VPS13B: variants seen among roughly 807,000 people sequenced by gnomAD.
VPS13B encodes intermembrane lipid transfer protein VPS13B.
A neutral mutation model predicts 426.4 loss-of-function variants in VPS13B; 285 were observed. The ratio of observed to expected loss-of-function variants is 0.67; its 90% CI spans 0.61 to 0.74. VPS13B has a LOEUF of 0.74. VPS13B is among the 30% of genes least tolerant of loss of function. VPS13B has a pLI of 0.00. For synonymous variants in VPS13B, 1,676 were observed against 1,676.4 expected, an observed-to-expected ratio of 1.00 and a Z score of 0.01; for missense variants, 4,537 against 4,782.6, an observed-to-expected ratio of 0.95 and a Z score of 1.51.
At chr8:99,645,394 T>G (rs1829541310) in intron 34 of VPS13B, among the ~76,000 whole-genome samples, 1 of 152,176 alleles carries the variant, frequency 6.6e-6, no homozygotes, top group Admixed American at 6.5e-5. Flanking sequence ...GCTGTCAATA[T>G]CATATAGTGA....
intron 34 of VPS13B, among the ~76,000 whole-genome samples, chr8:99,648,422 A>G (rs1419656602): frequency 6.6e-6 from 1 of 152,226 alleles, no homozygotes; most frequent in Non-Finnish European, 1.5e-5. Context: ...AACTGTTTAG[A>G]TACATCTTTA....
chr8:99,103,204 G>C, intron 5 of VPS13B, 84 bp downstream of exon 5: 1 of 1,489,034 alleles, frequency 6.7e-7, no homozygotes, highest in Non-Finnish European at 9.4e-7. Flanking sequence ...GGCCAACTGA[G>C]TTGCTGGTAA....
chr8:99,748,655 TG>T (rs1348752165), intron 39 of VPS13B, among the ~76,000 whole-genome samples: 1 of 152,086 alleles, frequency 6.6e-6, no homozygotes, highest in Non-Finnish European at 1.5e-5. Context: ...TTCCTTGTAA[TG>T]GTATATGTCA....
intron 33 of VPS13B, 39 bp from the exon 34 acceptor site, chr8:99,641,772 G>A: frequency 1.9e-6 from 3 of 1,568,236 alleles, no homozygotes; most frequent in Non-Finnish European, 1.7e-6. Flanking sequence ...CACTTGGCAT[G>A]TAACTAGTTT....
chr8:99,336,978 A>G (rs1421970796), intron 19 of VPS13B, among the ~76,000 whole-genome samples: 1 of 152,090 alleles, frequency 6.6e-6, no homozygotes, highest in Admixed American at 6.6e-5. Context: ...ATCTAGAACT[A>G]GAAATACCAT....
intron 25 of VPS13B, among the ~76,000 whole-genome samples, chr8:99,493,197 C>T (rs2133586358): frequency 6.6e-6 from 1 of 152,154 alleles, no homozygotes; most frequent in South Asian, 2.1e-4. Context: ...TGATACTGAC[C>T]ATTTTTACCA....
At chr8:99,015,173 T>G (rs2132130761) in intron 2 of VPS13B, among the ~76,000 whole-genome samples, 1 of 152,022 alleles carries the variant, frequency 6.6e-6, no homozygotes, top group South Asian at 2.1e-4. Flanking sequence ...TTTCATTTTA[T>G]TTTATTTTTT....
intron 17 of VPS13B, among the ~76,000 whole-genome samples, chr8:99,196,472 T>C (rs1813936164): frequency 6.6e-6 from 1 of 150,584 alleles, no homozygotes; most frequent in South Asian, 2.1e-4. Flanking sequence ...TAGGGGTTTT[T>C]TTTTTTTTTT....
intron 23 of VPS13B, among the ~76,000 whole-genome samples, chr8:99,453,086 G>T (rs1368227198): frequency 1.3e-5 from 2 of 152,202 alleles, no homozygotes; most frequent in Non-Finnish European, 2.9e-5. Flanking sequence ...CTTTGCTGTT[G>T]TTGGATTTAG....
At chr8:99,072,850 A>C (rs1309449769) in intron 3 of VPS13B, among the ~76,000 whole-genome samples, 1 of 152,094 alleles carries the variant, frequency 6.6e-6, no homozygotes, top group African/African-American at 2.4e-5. Context: ...TTATTTTAGA[A>C]GATGTCCTTT....
chr8:99,511,855 A>C (rs953124364), intron 29 of VPS13B, among the ~76,000 whole-genome samples: 1 of 152,180 alleles, frequency 6.6e-6, no homozygotes. Flanking sequence ...TTTAAAAACA[A>C]GGTCAAGCAC....
chr8:99,532,330 G>A (rs996638022), intron 30 of VPS13B, among the ~76,000 whole-genome samples: 1 of 152,064 alleles, frequency 6.6e-6, no homozygotes, highest in Non-Finnish European at 1.5e-5. Context: ...TTTCTCCATA[G>A]ATAATTTCAT....
intron 43 of VPS13B, among the ~76,000 whole-genome samples, chr8:99,797,691 A>T (rs905469704): frequency 2.6e-5 from 4 of 152,146 alleles, no homozygotes; most frequent in Non-Finnish European, 5.9e-5. Flanking sequence ...AAATAGGAAC[A>T]TGCTACAGGA....
intron 21 of VPS13B, among the ~76,000 whole-genome samples, chr8:99,392,748 G>A (rs1250048892): frequency 6.6e-6 from 1 of 151,914 alleles, no homozygotes; most frequent in East Asian, 1.9e-4. Context: ...TTATTATTTT[G>A]TGCTTTATGA....
At chr8:99,627,710 T>G (rs891117033) in intron 33 of VPS13B, among the ~76,000 whole-genome samples, 3 of 152,190 alleles carry the variant, frequency 2.0e-5, no homozygotes, top group African/African-American at 7.2e-5. Flanking sequence ...TGTACAAATA[T>G]CAAAACGTCA....
chr8:99,265,547 C>T (rs1818251705), intron 17 of VPS13B, among the ~76,000 whole-genome samples: 1 of 152,038 alleles, frequency 6.6e-6, no homozygotes, highest in African/African-American at 2.4e-5. Context: ...GTTGAGAGTC[C>T]TCCTGGTTTA....
chr8:99,645,552 T>C (rs546298274), intron 34 of VPS13B, among the ~76,000 whole-genome samples: 1 of 152,320 alleles, frequency 6.6e-6, no homozygotes, highest in South Asian at 2.1e-4. Context: ...ATCAACAAAG[T>C]CCATTCCAGT....
intron 3 of VPS13B, among the ~76,000 whole-genome samples, chr8:99,045,254 A>G (rs998220822): frequency 6.6e-6 from 1 of 152,124 alleles, no homozygotes; most frequent in African/African-American, 2.4e-5. Flanking sequence ...TTCTTGCAGG[A>G]GTAAGTTGGT....
chr8:99,448,549 ACATGT>A (rs1252675357), intron 23 of VPS13B, among the ~76,000 whole-genome samples: 1 of 152,152 alleles, frequency 6.6e-6, no homozygotes, highest in East Asian at 1.9e-4. Context: ...TTGTCTTTAC[ACATGT>A]ACCCAGATAG....
Sources: allele counts gnomAD v4.1 joint callset (sites outside exome capture counted in the v4.1 genomes callset), GRCh38; gene constraint gnomAD v4.1.1; transcripts MANE v1.5; gene names NCBI Gene and HGNC (gene_info 2026-07-23, HGNC 2026-07-21).